The following SUSD1 variants were observed in gnomAD, a reference collection of about 807,000 sequenced individuals.
The protein encoded by SUSD1 is sushi domain containing 1.
In SUSD1, 65 loss-of-function variants were observed where a neutral mutation model predicts 86.9. The ratio of observed to expected loss-of-function variants is 0.75; its 90% CI spans 0.61 to 0.92. SUSD1 has a LOEUF of 0.92. Ranked by LOEUF, SUSD1 falls within the 40% of genes least tolerant of loss-of-function variation. The probability of loss-of-function intolerance (pLI) is 0.00; values close to 1 mark genes in which losing one functional copy is unlikely to be tolerated. For missense variants in SUSD1, 850 were observed against 929.7 expected (o/e 0.91, Z 1.11); for synonymous variants, 346 against 350.0 (o/e 0.99, Z 0.13).
intron 1 of SUSD1, among the ~76,000 whole-genome samples, chr9:112,173,283 G>C (rs1201951240): frequency 6.6e-6 from 1 of 152,194 alleles, no homozygotes; most frequent in Non-Finnish European, 1.5e-5. Context: ...AAAGAGAATG[G>C]GGGTGGGGGC....
intron 3 of SUSD1, among the ~76,000 whole-genome samples, chr9:112,145,769 A>AAG (rs1832784448): frequency 1.3e-5 from 2 of 152,156 alleles, no homozygotes; most frequent in Non-Finnish European, 2.9e-5. Flanking sequence ...GAGCCCATCC[A>AAG]AGTCAAACCA....
intron 12 of SUSD1, among the ~76,000 whole-genome samples, chr9:112,073,852 C>T (rs1829398268): frequency 6.6e-6 from 1 of 151,882 alleles, no homozygotes; most frequent in African/African-American, 2.4e-5. Flanking sequence ...GAGATCACAC[C>T]ACTGCGTAAG....
intron 5 of SUSD1, among the ~76,000 whole-genome samples, chr9:112,140,996 A>C (rs1434142855): frequency 6.6e-6 from 1 of 152,260 alleles, no homozygotes; most frequent in African/African-American, 2.4e-5. Context: ...AAAGATAAAA[A>C]AATGATACAC....
chr9:112,133,531 T>C (rs1382552040), intron 5 of SUSD1, among the ~76,000 whole-genome samples: 1 of 152,202 alleles, frequency 6.6e-6, no homozygotes, highest in Non-Finnish European at 1.5e-5. Context: ...AGAATGAAAC[T>C]GGACCCCTGC....
At chr9:112,136,186 T>C (rs1017154206) in intron 5 of SUSD1, among the ~76,000 whole-genome samples, 9 of 152,224 alleles carry the variant, frequency 5.9e-5, no homozygotes, top group African/African-American at 2.2e-4. Flanking sequence ...CAGTATATCG[T>C]GAGGTGCCAG....
intron 8 of SUSD1, among the ~76,000 whole-genome samples, chr9:112,110,819 C>T (rs1831062901): frequency 6.6e-6 from 1 of 151,896 alleles, no homozygotes; most frequent in African/African-American, 2.4e-5. Context: ...ATTTCTACTT[C>T]TTAAAGCTCC....
intron 11 of SUSD1, 87 bp from the exon 12 acceptor site, chr9:112,078,811 C>CTTTTTTTTTTTTTTTT (rs71496739): frequency 3.5e-6 from 2 of 575,744 alleles, no homozygotes; most frequent in African/African-American, 2.5e-5. Flanking sequence ...TTTTCTTTCT[C>CTTTTTTTTTTTTTTTT]TTTTTTTTTT....
At chr9:112,130,241 C>T (rs760982172) in intron 5 of SUSD1, among the ~76,000 whole-genome samples, 4 of 151,944 alleles carry the variant, frequency 2.6e-5, no homozygotes, top group Admixed American at 6.6e-5. Flanking sequence ...GGTGTGGTGG[C>T]GCATGCTTGT....
intron 12 of SUSD1, among the ~76,000 whole-genome samples, chr9:112,077,745 A>C (rs13295887): frequency 0.25 from 37,717 of 151,420 alleles, 5,022 homozygotes; most frequent in African/African-American, 0.35. Flanking sequence ...TCACATGATC[A>C]ACCCTCCTCA....
At chr9:112,088,666 G>C (rs2131583436) in intron 10 of SUSD1, among the ~76,000 whole-genome samples, 1 of 152,260 alleles carries the variant, frequency 6.6e-6, no homozygotes, top group Middle Eastern at 3.4e-3. Flanking sequence ...AAGCATGGTG[G>C]TTGTAGCCCC....
chr9:112,065,519 T>C (rs532721593), intron 12 of SUSD1, among the ~76,000 whole-genome samples: 2 of 152,212 alleles, frequency 1.3e-5, no homozygotes, highest in South Asian at 4.1e-4. Context: ...AGTGAGACTC[T>C]GTCTCAAAAA....
At chr9:112,094,422 G>A (rs1830316559) in intron 10 of SUSD1, among the ~76,000 whole-genome samples, 1 of 152,156 alleles carries the variant, frequency 6.6e-6, no homozygotes, top group South Asian at 2.1e-4. Context: ...TGGATGATCT[G>A]TTTCACAGAA....
chr9:112,093,820 G>C (rs1037668548), intron 10 of SUSD1, among the ~76,000 whole-genome samples: 25 of 152,182 alleles, frequency 1.6e-4, no homozygotes, highest in African/African-American at 6.0e-4. Context: ...CTGGAATTCA[G>C]GAACAGATGA....
intron 10 of SUSD1, among the ~76,000 whole-genome samples, chr9:112,089,811 C>CAAAAAAAAA (rs3983407): frequency 1.7e-5 from 2 of 115,944 alleles, no homozygotes; most frequent in African/African-American, 3.1e-5. Context: ...GATTCCATCT[C>CAAAAAAAAA]AAAAAAAAAA....
At chr9:112,144,633 T>C (rs1215259616) in intron 3 of SUSD1, among the ~76,000 whole-genome samples, 2 of 152,094 alleles carry the variant, frequency 1.3e-5, no homozygotes, top group East Asian at 3.8e-4. Flanking sequence ...ATAAACAACA[T>C]TTTTAATGTT....
chr9:112,064,595 CG>C (rs1274910739), intron 12 of SUSD1, among the ~76,000 whole-genome samples: 2 of 152,060 alleles, frequency 1.3e-5, no homozygotes, highest in African/African-American at 4.8e-5. Context: ...TGGCCGGGTG[CG>C]GGGGTGCGGT....
At chr9:112,170,909 C>T (rs1834020504) in intron 1 of SUSD1, among the ~76,000 whole-genome samples, 1 of 152,072 alleles carries the variant, frequency 6.6e-6, no homozygotes, top group Non-Finnish European at 1.5e-5. Flanking sequence ...GATGGGGTTT[C>T]ACCATGTTGG....
At chr9:112,056,381 C>T (rs918826912) in intron 14 of SUSD1, among the ~76,000 whole-genome samples, 13 of 152,068 alleles carry the variant, frequency 8.5e-5, no homozygotes, top group African/African-American at 2.9e-4. Context: ...GAGTTTTGGA[C>T]GCTGGTTGCA....
At chr9:112,150,365 A>T (rs1832993243) in intron 2 of SUSD1, among the ~76,000 whole-genome samples, 1 of 152,228 alleles carries the variant, frequency 6.6e-6, no homozygotes, top group Admixed American at 6.5e-5. Context: ...GAGAAAAATC[A>T]TCAACTTATG....
Sources: allele counts gnomAD v4.1 joint callset (sites outside exome capture counted in the v4.1 genomes callset), GRCh38; gene constraint gnomAD v4.1.1; transcripts MANE v1.5; gene names NCBI Gene and HGNC (gene_info 2026-07-23, HGNC 2026-07-21).